Variants in LTBP2 observed in about 807,000 individuals in gnomAD.
LTBP2 encodes the protein latent-transforming growth factor beta-binding protein 2.
LTBP2 carries 103 observed loss-of-function variants against 210.6 expected under a neutral mutation model. The ratio of observed to expected loss-of-function variants is 0.49; its 90% confidence interval spans 0.42 to 0.58. The LOEUF is 0.58. Among genes scored for constraint, LTBP2 ranks in the 20% least tolerant of loss-of-function variants. LTBP2 has a pLI of 0.00. For synonymous variants in LTBP2, 1,007 were observed against 1,015.0 expected, an observed-to-expected ratio of 0.99 and a Z score of 0.15; for missense variants, 2,313 against 2,494.5, an observed-to-expected ratio of 0.93 and a Z score of 1.55.
chr14:74,594,927 G>C (rs1343647597), intron 2 of LTBP2, among the ~76,000 whole-genome samples: 2 of 152,326 alleles, frequency 1.3e-5, no homozygotes, highest in African/African-American at 4.8e-5. Context: ...AGAAGTCAGG[G>C]CCTCAGGGGC....
intron 3 of LTBP2, among the ~76,000 whole-genome samples, chr14:74,557,749 G>A (rs1289503323): frequency 6.6e-6 from 1 of 151,816 alleles, no homozygotes; most frequent in Non-Finnish European, 1.5e-5. Flanking sequence ...CTGGACTGTG[G>A]TGGGTGTAAG....
rs191037346 is a variant in LTBP2, at chr14:74,579,621, G to A, written c.830+6233C>T. 1.4e-4 allele frequency among the ~76,000 whole-genome samples: 21 copies of A among 152,332 alleles called. No homozygotes were observed. In the East Asian group the frequency reaches 2.3e-3, roughly 17 times the overall value. On this transcript the variant is annotated intron_variant, in intron 3 of 35. Coordinates refer to ENST00000261978, the MANE Select transcript of LTBP2 (RefSeq NM_000428.3). ...CACATGCAGGCACATGCTGCCATAC[G>A]CTCCCAGCAGTCCTGGCACTCACCA...
chr14:74,597,632 C>T (rs756971965), intron 2 of LTBP2, among the ~76,000 whole-genome samples: 2 of 152,238 alleles, frequency 1.3e-5, no homozygotes, highest in African/African-American at 2.4e-5. Flanking sequence ...GGACAAAGAG[C>T]CTCAGGGTAA....
At chr14:74,599,055 C>T (rs367953997) in intron 2 of LTBP2, among the ~76,000 whole-genome samples, 1 of 152,216 alleles carries the variant, frequency 6.6e-6, no homozygotes, top group African/African-American at 2.4e-5. Context: ...TAGAATGGTA[C>T]CTGGTGCACA....
chr14:74,538,430 A>C (rs2087450358), intron 8 of LTBP2, among the ~76,000 whole-genome samples: 1 of 152,116 alleles, frequency 6.6e-6, no homozygotes, highest in Admixed American at 6.5e-5. Flanking sequence ...GCTTGTGATT[A>C]TGGGACTAGT....
intron 8 of LTBP2, among the ~76,000 whole-genome samples, chr14:74,544,025 C>A (rs895123909): frequency 2.0e-5 from 3 of 152,254 alleles, no homozygotes; most frequent in Non-Finnish European, 4.4e-5. Context: ...GTGACACCCA[C>A]CCCTGCTGGG....
chr14:74,587,451 G>A (rs1036949308), intron 2 of LTBP2, among the ~76,000 whole-genome samples: 5 of 151,738 alleles, frequency 3.3e-5, no homozygotes, highest in South Asian at 2.1e-4. Context: ...CAGATGGGGC[G>A]GCCAGGGCAC....
intron 19 of LTBP2, 69 bp downstream of exon 19, chr14:74,511,176 C>T (rs936480386): frequency 1.6e-5 from 26 of 1,609,372 alleles, no homozygotes; most frequent in East Asian, 6.7e-5. Context: ...TTTCCCTTTC[C>T]GTGTGTGGGC....
At chr14:74,524,546 C>A (rs1213900105) in intron 15 of LTBP2, among the ~76,000 whole-genome samples, 1 of 152,166 alleles carries the variant, frequency 6.6e-6, no homozygotes, top group Non-Finnish European at 1.5e-5. Flanking sequence ...AGTCCCCAGA[C>A]AATGAGCCTT....
intron 13 of LTBP2, among the ~76,000 whole-genome samples, 197 bp from the exon 14 acceptor site, chr14:74,526,311 C>T (rs576019795): frequency 6.6e-6 from 1 of 152,362 alleles, no homozygotes; most frequent in South Asian, 2.1e-4. Context: ...CTTCATTAAC[C>T]TTCTCAACTA....
intron 3 of LTBP2, among the ~76,000 whole-genome samples, chr14:74,566,934 T>C (rs1478536017): frequency 6.6e-6 from 1 of 152,186 alleles, no homozygotes; most frequent in Non-Finnish European, 1.5e-5. Context: ...CACCTAGGTC[T>C]GAAAGGACTG....
At chr14:74,545,425 T>C (rs1296851271) in intron 8 of LTBP2, among the ~76,000 whole-genome samples, 1 of 152,202 alleles carries the variant, frequency 6.6e-6, no homozygotes, top group Non-Finnish European at 1.5e-5. Flanking sequence ...GCAGAGTTCC[T>C]TGAAAGGGCA....
intron 15 of LTBP2, among the ~76,000 whole-genome samples, chr14:74,523,145 C>A (rs1162552175): frequency 1.3e-5 from 2 of 152,050 alleles, no homozygotes; most frequent in African/African-American, 2.4e-5. Context: ...AGTAGGGCAT[C>A]CCCCTCACCG....
At chr14:74,547,383 C>T in intron 8 of LTBP2, among the ~76,000 whole-genome samples, 1 of 152,232 alleles carries the variant, frequency 6.6e-6, no homozygotes, top group Non-Finnish European at 1.5e-5. Context: ...TGAAGACTTG[C>T]CCAGAGGAAG....
chr14:74,535,799 C>T, intron 9 of LTBP2, 127 bp downstream of exon 9: 2 of 828,118 alleles, frequency 2.4e-6, no homozygotes, highest in Non-Finnish European at 4.0e-6. Context: ...CCCCCCACCA[C>T]TCCCCAAAGC....
At chr14:74,548,763 A>G (rs1479352219) in intron 8 of LTBP2, among the ~76,000 whole-genome samples, 1 of 152,190 alleles carries the variant, frequency 6.6e-6, no homozygotes, top group Non-Finnish European at 1.5e-5. Flanking sequence ...GCATCATTTC[A>G]TTTAATCTCT....
chr14:74,528,570 T>C lies in LTBP2; in HGVS notation c.2281A>G (p.Ser761Gly), dbSNP rs962389953. 3 of 1,613,410 alleles carry C rather than the reference T, an allele frequency of 1.9e-6. No homozygotes were observed. The highest frequency in any genetic ancestry group is 1.1e-5 in the South Asian group (1 of 91,072). ...RPPREQGQRSSGALPGPAERQ... is the reference protein window; with the variant it reads ...RPPREQGQRSGGALPGPAERQ... ...TCTGCTGGCCCGGGCAGTGCCCCGC[T>C]GCTCCTCTGCCCTTGCTCCCTTGGG... Residue 761 changes from serine to glycine, a missense_variant, in exon 12 of 36, where the codon AGC becomes GGC. Coordinates refer to ENST00000261978, the MANE Select transcript of LTBP2 (RefSeq NM_000428.3).
intron 28 of LTBP2, among the ~76,000 whole-genome samples, chr14:74,505,462 C>T (rs917317021): frequency 3.9e-5 from 6 of 152,182 alleles, no homozygotes; most frequent in Admixed American, 1.3e-4. Flanking sequence ...CTGCGCTTTG[C>T]GGTATACCAT....
chr14:74,535,843 G>T (rs2087413858), intron 9 of LTBP2, 83 bp downstream of exon 9: 2 of 1,248,266 alleles, frequency 1.6e-6, no homozygotes, highest in Non-Finnish European at 1.2e-6. Context: ...AGACCACTCG[G>T]CCAGTGACAG....
Sources: allele counts gnomAD v4.1 joint callset (sites outside exome capture counted in the v4.1 genomes callset), GRCh38; gene constraint gnomAD v4.1.1; transcripts MANE v1.5; gene names NCBI Gene and HGNC (gene_info 2026-07-23, HGNC 2026-07-21).